The following IGSF11 variants were observed in gnomAD, a reference collection of about 807,000 sequenced individuals.
The protein encoded by IGSF11 is immunoglobulin superfamily member 11.
A neutral mutation model predicts 41.0 loss-of-function variants in IGSF11; 22 were observed. The observed-to-expected ratio is 0.54, with a 90% confidence interval of 0.38 to 0.77. The LOEUF is 0.77. Ranked by LOEUF, IGSF11 falls within the 30% of genes least tolerant of loss-of-function variation. IGSF11 has a pLI of 0.00. For missense variants in IGSF11, 444 were observed against 530.8 expected, an observed-to-expected ratio of 0.84 and a Z score of 1.61; for synonymous variants, 219 against 201.3, an observed-to-expected ratio of 1.09 and a Z score of -0.74.
chr3:119,014,273 C>T (rs968828008), intron 1 of IGSF11, among the ~76,000 whole-genome samples: 6 of 152,184 alleles, frequency 3.9e-5, no homozygotes, highest in Non-Finnish European at 8.8e-5. Flanking sequence ...ACATCTTACC[C>T]AGTCTGGAAT....
At chr3:119,110,582 C>A (rs2077135628) in intron 1 of IGSF11, among the ~76,000 whole-genome samples, 1 of 152,142 alleles carries the variant, frequency 6.6e-6, no homozygotes, top group African/African-American at 2.4e-5. Context: ...AGCATTTAGT[C>A]CATTTACATT....
At chr3:119,039,715 A>G (rs759176564), upstream of IGSF11, among the ~76,000 whole-genome samples, 2 of 152,142 alleles carry the variant, frequency 1.3e-5, no homozygotes, top group Non-Finnish European at 2.9e-5. Flanking sequence ...TTTCTTGAAT[A>G]GGCAGGAACA....
intron 1 of IGSF11, among the ~76,000 whole-genome samples, chr3:118,931,412 T>C (rs1437559208): frequency 6.6e-6 from 1 of 152,156 alleles, no homozygotes; most frequent in Non-Finnish European, 1.5e-5. Flanking sequence ...CAAATATCCA[T>C]CAACTGGTGA....
intron 1 of IGSF11, among the ~76,000 whole-genome samples, chr3:119,122,045 A>G (rs1028981017): frequency 9.9e-5 from 15 of 152,198 alleles, no homozygotes; most frequent in Non-Finnish European, 1.9e-4. Context: ...TAGGAACATC[A>G]AATTTAACAA....
At chr3:119,026,325 CA>C (rs1234052539) in intron 1 of IGSF11, among the ~76,000 whole-genome samples, 9 of 151,442 alleles carry the variant, frequency 5.9e-5, no homozygotes, top group Admixed American at 6.6e-5. Flanking sequence ...ACAGCAATTT[CA>C]AAAAAAAGAG....
chr3:119,043,245 G>A (rs764395219), intron 1 of IGSF11, among the ~76,000 whole-genome samples: 12 of 152,164 alleles, frequency 7.9e-5, no homozygotes, highest in South Asian at 4.1e-4. Context: ...TTGCCAGCTC[G>A]AATGCCTGGG....
chr3:119,139,852 AAAT>A (rs2077617611), intron 1 of IGSF11, among the ~76,000 whole-genome samples: 1 of 152,210 alleles, frequency 6.6e-6, no homozygotes, highest in African/African-American at 2.4e-5. Context: ...ATTTGTATGA[AAAT>A]AATAATACAA....
intron 4 of IGSF11, among the ~76,000 whole-genome samples, chr3:118,908,186 G>A (rs1003207859): frequency 1.3e-5 from 2 of 152,122 alleles, no homozygotes; most frequent in African/African-American, 4.8e-5. Context: ...GCAGCATTCT[G>A]GCATGTAGAA....
At chr3:118,983,840 T>C (rs1233079900) in intron 1 of IGSF11, among the ~76,000 whole-genome samples, 3 of 152,176 alleles carry the variant, frequency 2.0e-5, no homozygotes, top group African/African-American at 7.2e-5. Flanking sequence ...AAAAGTAATA[T>C]AATTATTTTT....
chr3:119,143,989 C>T (rs1159557171), intron 1 of IGSF11, among the ~76,000 whole-genome samples: 2 of 151,712 alleles, frequency 1.3e-5, no homozygotes, highest in Non-Finnish European at 2.9e-5. Flanking sequence ...TTATATGAAG[C>T]AAACATTGAC....
chr3:119,068,916 C>CTTTT (rs66923529), intron 1 of IGSF11, among the ~76,000 whole-genome samples: 1 of 114,128 alleles, frequency 8.8e-6, no homozygotes, highest in African/African-American at 3.7e-5. Context: ...TGGTTATTTT[C>CTTTT]TTTTTTTTTT....
chr3:118,947,076 G>C (rs1037702404), intron 1 of IGSF11: 1 of 152,128 alleles, frequency 6.6e-6, no homozygotes, highest in Non-Finnish European at 1.5e-5. Context: ...AGCAGTCCTC[G>C]ACATCAACTA....
intron 1 of IGSF11, among the ~76,000 whole-genome samples, chr3:119,028,687 A>T (rs1940060232): frequency 7.6e-6 from 1 of 131,176 alleles, no homozygotes; most frequent in Non-Finnish European, 1.6e-5. Context: ...AAACTTCCAC[A>T]GAAGTTATAA....
intron 1 of IGSF11, among the ~76,000 whole-genome samples, chr3:118,951,343 T>C (rs146715288): frequency 6.6e-5 from 10 of 152,312 alleles, no homozygotes; most frequent in African/African-American, 2.2e-4. Flanking sequence ...CATAGTATTT[T>C]GGCTTTTAAT....
At chr3:119,145,993 C>T (rs1028900729) in exon 1 of IGSF11, 10 of 579,444 alleles carry the variant, frequency 1.7e-5, no homozygotes, top group South Asian at 1.1e-4. Flanking sequence ...TCCCTGCGCT[C>T]GCCTGCACAC....
chr3:119,115,481 T>G (rs952452402), intron 1 of IGSF11, among the ~76,000 whole-genome samples: 1 of 152,234 alleles, frequency 6.6e-6, no homozygotes, highest in Non-Finnish European at 1.5e-5. Flanking sequence ...AAGTTTTGAT[T>G]TGCATTTCTC....
intron 1 of IGSF11, among the ~76,000 whole-genome samples, chr3:118,948,763 A>G (rs2107576784): frequency 6.6e-6 from 1 of 152,222 alleles, no homozygotes; most frequent in Middle Eastern, 3.4e-3. Flanking sequence ...CAGGAGATAG[A>G]GACCATCCTG....
rs11328968 is a variant in IGSF11, at chr3:119,142,274, C to CAAAAAA, written c.-14+3533_-14+3538dup. ...TGGGCGACAGAGCAAGACTCCATCT[C>CAAAAAA]AAAAAAAAAAAAAAAAAAAAAAGTG... On this transcript the variant is annotated intron_variant, in intron 1 of 7. Coordinates refer to the IGSF11 transcript ENST00000425327. Among the ~76,000 whole-genome samples the CAAAAAA allele has an allele frequency of 3.7e-5, 3 of 81,732 alleles. No homozygotes were observed. The Admixed American group carries it at 4.5e-4, about 12-fold the overall frequency. 53.6% of individuals were successfully genotyped at this position (81,732 alleles called of 152,430 possible).
chr3:119,027,372 G>A (rs1939924670), intron 1 of IGSF11, among the ~76,000 whole-genome samples: 1 of 152,126 alleles, frequency 6.6e-6, no homozygotes, highest in African/African-American at 2.4e-5. Flanking sequence ...ATATCAGTGT[G>A]AGACCAGATA....
Sources: allele counts gnomAD v4.1 joint callset (sites outside exome capture counted in the v4.1 genomes callset), GRCh38; gene constraint gnomAD v4.1.1; transcripts MANE v1.5; gene names NCBI Gene and HGNC (gene_info 2026-07-23, HGNC 2026-07-21).